Variants in EYA1 observed in about 807,000 individuals in gnomAD.
EYA1 encodes EYA transcriptional coactivator and phosphatase 1.
Under a neutral mutation model 82.0 loss-of-function variants are expected in EYA1, and 16 were observed. The observed-to-expected ratio is 0.20, with a 90% confidence interval of 0.13 to 0.30. The LOEUF is 0.30. Ranked by LOEUF, EYA1 falls within the 10% of genes least tolerant of loss-of-function variation. The probability of loss-of-function intolerance (pLI) is 1.00; values close to 1 mark genes in which losing one functional copy is unlikely to be tolerated. For synonymous variants in EYA1, 261 were observed against 264.4 expected (o/e 0.99, Z 0.12); for missense variants, 633 against 730.7 (o/e 0.87, Z 1.54).
chr8:71,423,904 T>G (rs930292432), intron 2 of EYA1, among the ~76,000 whole-genome samples: 2 of 152,222 alleles, frequency 1.3e-5, no homozygotes, highest in Admixed American at 1.3e-4. Flanking sequence ...GATAGATGGT[T>G]AGGATCACTC....
chr8:71,419,732 G>A (rs1295469910), intron 2 of EYA1, among the ~76,000 whole-genome samples: 1 of 151,862 alleles, frequency 6.6e-6, no homozygotes, highest in Non-Finnish European at 1.5e-5. Flanking sequence ...ATATAGGATT[G>A]TTTTAAATAC....
intron 2 of EYA1, among the ~76,000 whole-genome samples, chr8:71,391,200 TTTGAACTCCTGACC>T (rs1333865626): frequency 6.6e-6 from 1 of 152,034 alleles, no homozygotes; most frequent in Non-Finnish European, 1.5e-5. Flanking sequence ...CCAGGCTGGT[TTTGAACTCCTGACC>T]TCAAGTGATC....
rs1563621763 is a variant in EYA1 at position 71,211,174 on chromosome 8, T to C, written c.1680A>G (p.Glu560=). The C allele has an allele frequency of 1.2e-6, 2 of 1,612,322 alleles. No homozygotes were observed. The highest frequency in any genetic ancestry group is 2.2e-5 in the East Asian group (1 of 44,836). ...VYVVIGDGVE[E]EQGAKKHAMP... ...TGCTCACCTTTTTTGCTCCTTGTTC[T>C]TCTTCTACACCATCTCCTATAACAA... The change falls in exon 17 of 18, where the codon GAA becomes GAG. Residue 560 remains glutamate (E), a synonymous_variant. Transcript: ENST00000340726.
intron 2 of EYA1, among the ~76,000 whole-genome samples, chr8:71,422,709 A>G (rs1831209956): frequency 6.6e-6 from 1 of 152,162 alleles, no homozygotes; most frequent in Non-Finnish European, 1.5e-5. Context: ...TCTTCACATG[A>G]TGGCAGGAAG....
intron 2 of EYA1, among the ~76,000 whole-genome samples, chr8:71,485,111 G>A (rs572623202): frequency 2.0e-5 from 3 of 152,274 alleles, no homozygotes; most frequent in Non-Finnish European, 4.4e-5. Context: ...CTGCTTATTG[G>A]TATATGTTAA....
In EYA1 at chr8:71,361,923, A is replaced by G; in HGVS notation, c.-331T>C. The G allele has an allele frequency of 2.0e-6, 2 of 985,470 alleles. No individual in the cohort carries two copies. The highest frequency in any genetic ancestry group is 9.4e-5 in the South Asian group (2 of 21,294). 61.0% of individuals were successfully genotyped at this position (985,470 alleles called of 1,614,324 possible). On this transcript the variant is annotated 5_prime_UTR_variant, in exon 1 of 18. Coordinates refer to ENST00000340726, the MANE Select transcript of EYA1 (RefSeq NM_000503.6). ...AAGAAACCCGCCACAGTGGACGGCA[A>G]CAGGAAGGCTTAAAGTCGGAAGTGG...
intron 11 of EYA1, among the ~76,000 whole-genome samples, chr8:71,263,160 TG>T (rs750662022): frequency 6.6e-6 from 1 of 152,010 alleles, no homozygotes; most frequent in Non-Finnish European, 1.5e-5. Context: ...TGTTTCTTCC[TG>T]GGCACACAGG....
intron 7 of EYA1, among the ~76,000 whole-genome samples, chr8:71,303,066 C>T (rs1820367617): frequency 7.0e-6 from 1 of 142,462 alleles, no homozygotes; most frequent in Admixed American, 7.0e-5. Flanking sequence ...AACCAACATG[C>T]AGCAGGCTTT....
chr8:71,220,914 T>A (rs1809822767), intron 12 of EYA1, among the ~76,000 whole-genome samples: 1 of 152,154 alleles, frequency 6.6e-6, no homozygotes, highest in African/African-American at 2.4e-5. Flanking sequence ...GGAGCAGGCT[T>A]TGCCAAGGAA....
Position 71,499,371 on chromosome 8 carries a change from T to A in EYA1, c.33+36373A>T, listed in dbSNP as rs563865904. On this transcript the variant is annotated intron_variant, in intron 2 of 18. Transcript: ENST00000643681. Reference sequence around the variant, plus strand: ...GATATTTTCGTAAATGCCTGAAATTTATGCCTGTGAAGTAGTACAATCATC... The same window carrying A: ...GATATTTTCGTAAATGCCTGAAATTAATGCCTGTGAAGTAGTACAATCATC... Among the ~76,000 whole-genome samples the A allele has an allele frequency of 1.7e-4, 26 of 152,334 alleles. No homozygotes were observed. The South Asian group carries it at 5.4e-3, about 32-fold the overall frequency.
Position 71,232,462 on chromosome 8 carries a change from G to A in EYA1, c.1140+12141C>T, listed in dbSNP as rs117410540. Among the ~76,000 whole-genome samples, 143 of 152,304 alleles carry A rather than the reference G, an allele frequency of 9.4e-4. 2 individuals carry two copies. Among genetic ancestry groups the A allele is most frequent in the African/African-American group, 3.2e-3 (134 of 41,566 alleles). On this transcript the variant is annotated intron_variant, in intron 12 of 17. Coordinates refer to ENST00000340726, the MANE Select transcript of EYA1 (RefSeq NM_000503.6). ...CATTTATCAGCACAACCAAGGAAACGTGTCTTTTTACACGAAGCCAGCATC... is the reference window on the plus strand; with the variant it reads ...CATTTATCAGCACAACCAAGGAAACATGTCTTTTTACACGAAGCCAGCATC...
At chr8:71,280,733 G>A (rs1176469762) in intron 9 of EYA1, among the ~76,000 whole-genome samples, 1 of 152,100 alleles carries the variant, frequency 6.6e-6, no homozygotes, top group Admixed American at 6.6e-5. Context: ...GGAGAACAAT[G>A]TTGGAAAACT....
At chr8:71,543,116 T>C (rs1032596335) in intron 1 of EYA1, among the ~76,000 whole-genome samples, 2 of 152,176 alleles carry the variant, frequency 1.3e-5, no homozygotes, top group African/African-American at 4.8e-5. Context: ...CTTTGCCCCT[T>C]CATATGTCCA....
At chr8:71,228,561 TTA>T (rs1810831048) in intron 12 of EYA1, among the ~76,000 whole-genome samples, 1 of 152,218 alleles carries the variant, frequency 6.6e-6, no homozygotes. Flanking sequence ...CTTTGGTTGT[TTA>T]TATGTTATTC....
At chr8:71,449,425 G>A (rs1029863545) in intron 2 of EYA1, among the ~76,000 whole-genome samples, 1 of 152,230 alleles carries the variant, frequency 6.6e-6, no homozygotes, top group African/African-American at 2.4e-5. Context: ...GAGCTCTTGA[G>A]TGACTGGGAG....
intron 1 of EYA1, among the ~76,000 whole-genome samples, chr8:71,359,533 A>G (rs922997844): frequency 1.3e-5 from 2 of 152,152 alleles, no homozygotes; most frequent in Non-Finnish European, 2.9e-5. Flanking sequence ...CTAAATTACA[A>G]ATCAAAAGCA....
chr8:71,366,132 A>G (rs1367196511), upstream of EYA1, among the ~76,000 whole-genome samples: 1 of 150,824 alleles, frequency 6.6e-6, no homozygotes, highest in African/African-American at 2.4e-5. Context: ...CCTATGTAGT[A>G]ATGGCTGCCT....
chr8:71,427,695 G>T (rs1362598955), intron 2 of EYA1, among the ~76,000 whole-genome samples: 2 of 152,086 alleles, frequency 1.3e-5, no homozygotes, highest in African/African-American at 4.8e-5. Context: ...ACAAAAAACA[G>T]GGAAGGCTAG....
At chr8:71,398,837 A>G (rs1003193408) in intron 2 of EYA1, among the ~76,000 whole-genome samples, 16 of 152,218 alleles carry the variant, frequency 1.1e-4, no homozygotes, top group African/African-American at 3.9e-4. Flanking sequence ...AGACAGAGAC[A>G]TTTAAGTCTG....
Sources: gnomAD v4.1 joint callset for allele counts (sites outside exome capture counted in the v4.1 genomes callset) on GRCh38, gnomAD v4.1.1 for gene constraint, MANE v1.5 for transcripts, NCBI Gene and HGNC (gene_info 2026-07-23, HGNC 2026-07-21) for gene names.